Variants in CCDC73 observed in about 807,000 individuals in gnomAD.
CCDC73 encodes coiled-coil domain containing 73.
A neutral mutation model predicts 116.5 loss-of-function variants in CCDC73; 95 were observed. The observed-to-expected ratio is 0.82, with a 90% confidence interval of 0.69 to 0.97. CCDC73 has a LOEUF of 0.97. CCDC73 is among the 50% of genes least tolerant of loss of function. The pLI is 0.00. For missense variants in CCDC73, 1,066 were observed against 1,206.8 expected (o/e 0.88, Z 1.73); for synonymous variants, 398 against 401.3 (o/e 0.99, Z 0.10).
At chr11:32,784,800 A>C (rs1416067561) in intron 1 of CCDC73, among the ~76,000 whole-genome samples, 1 of 152,204 alleles carries the variant, frequency 6.6e-6, no homozygotes, top group Admixed American at 6.5e-5. Context: ...ATGGAGGAGT[A>C]AATTTTATTG....
At chr11:32,682,716 C>A (rs751675719) in intron 7 of CCDC73, 20 of 151,840 alleles carry the variant, frequency 1.3e-4, no homozygotes, top group African/African-American at 4.8e-4. Context: ...AAAAAAAAAT[C>A]CTTCTGAATA....
At position 32,732,450 on chromosome 11, in the gene CCDC73, C is replaced by T. The variant is rs1470181486; in HGVS notation, c.136-14303G>A. 2.6e-5 allele frequency among the ~76,000 whole-genome samples: 4 copies of T among 152,038 alleles called. No individual in the cohort carries two copies. The East Asian group carries it at 7.7e-4, about 29-fold the overall frequency. Reference sequence around the variant, plus strand: ...AAGATACTCCTCATGAAGAGCAACTCCAAGACACATAATTGTCAGATTCAC... The same window carrying T: ...AAGATACTCCTCATGAAGAGCAACTTCAAGACACATAATTGTCAGATTCAC... On this transcript the variant is annotated intron_variant, in intron 2 of 17. Coordinates refer to ENST00000335185, the MANE Select transcript of CCDC73 (RefSeq NM_001008391.4).
intron 16 of CCDC73, among the ~76,000 whole-genome samples, chr11:32,612,168 G>A (rs1375057685): frequency 6.6e-6 from 1 of 151,990 alleles, no homozygotes; most frequent in Non-Finnish European, 1.5e-5. Context: ...TGTTAAATCT[G>A]AGGGCCATAT....
chr11:32,680,007 A>C (rs1476709488), intron 7 of CCDC73: 2 of 152,220 alleles, frequency 1.3e-5, no homozygotes, highest in Non-Finnish European at 2.9e-5. Flanking sequence ...ACATTAGCCT[A>C]TTCAATGGCC....
intron 6 of CCDC73, among the ~76,000 whole-genome samples, chr11:32,692,237 C>A (rs1462106231): frequency 6.6e-6 from 1 of 151,844 alleles, no homozygotes; most frequent in Admixed American, 6.6e-5. Context: ...TGTTCCTGCA[C>A]CATTTGTTGA....
upstream of CCDC73, among the ~76,000 whole-genome samples, chr11:32,794,984 C>G (rs1314357012): frequency 1.3e-5 from 2 of 151,194 alleles, no homozygotes; most frequent in African/African-American, 2.4e-5. Flanking sequence ...CCTGCCTCAG[C>G]CTCCCGATAT....
At chr11:32,745,377 T>C (rs1339438015) in intron 2 of CCDC73, among the ~76,000 whole-genome samples, 1 of 152,198 alleles carries the variant, frequency 6.6e-6, no homozygotes, top group Non-Finnish European at 1.5e-5. Context: ...GAATGTATAT[T>C]CTGTTGATTT....
At chr11:32,811,248 C>T in the CCDC73 span, among the ~76,000 whole-genome samples, 8 of 152,302 alleles carry the variant, frequency 5.3e-5, 1 homozygote, top group South Asian at 4.1e-4. Context: ...TAACTAGTCA[C>T]TCTCCTGAAA....
chr11:32,637,785 C>A (rs1318874821), intron 13 of CCDC73, among the ~76,000 whole-genome samples: 3 of 152,170 alleles, frequency 2.0e-5, no homozygotes, highest in African/African-American at 7.2e-5. Flanking sequence ...ACTCTTTCCA[C>A]ATTATTTCAC....
chr11:32,604,236 A>G (rs1855315901), intron 17 of CCDC73: 1 of 152,064 alleles, frequency 6.6e-6, no homozygotes, highest in African/African-American at 2.4e-5. Flanking sequence ...TGATCCTCCC[A>G]CCTTCACCTC....
At position 32,614,092 on chromosome 11, in the gene CCDC73, G is replaced by GAAAACA. The variant is rs1404504833; in HGVS notation, c.2225_2226insTGTTTT (p.Ser742_Pro743insValPhe). ...TTTTACACATAGTTTTTCCCCCAGG[G>GAAAACA]CTTGAGTTAGGTTTCACCAACATAG... On this transcript the variant is annotated inframe_insertion, in exon 16 of 18. Coordinates refer to ENST00000335185, the MANE Select transcript of CCDC73 (RefSeq NM_001008391.4). 1 of 1,613,358 alleles carries GAAAACA rather than the reference G, an allele frequency of 6.2e-7. No individual in the cohort carries two copies. The highest frequency in any genetic ancestry group is 8.5e-7 in the Non-Finnish European group (1 of 1,179,868).
intron 1 of CCDC73, among the ~76,000 whole-genome samples, chr11:32,764,706 T>G (rs1850424468): frequency 6.6e-6 from 1 of 152,130 alleles, no homozygotes; most frequent in Non-Finnish European, 1.5e-5. Flanking sequence ...CTGCGTAAAC[T>G]AACAAGCAAA....
intron 9 of CCDC73, among the ~76,000 whole-genome samples, chr11:32,665,738 A>G (rs988853220): frequency 1.3e-5 from 2 of 152,166 alleles, no homozygotes; most frequent in Non-Finnish European, 2.9e-5. Context: ...TAGTTGATGC[A>G]GTTTCTTCCT....
chr11:32,790,518 A>G (rs1389459139), intron 1 of CCDC73, among the ~76,000 whole-genome samples: 2 of 152,196 alleles, frequency 1.3e-5, no homozygotes, highest in Middle Eastern at 3.2e-3. Context: ...AAGCCTTGAG[A>G]GCATAGTGAA....
At chr11:32,611,409 A>C (rs1475978783) in intron 16 of CCDC73, 144 bp from the exon 17 acceptor site, 12 of 696,582 alleles carry the variant, frequency 1.7e-5, no homozygotes, top group Non-Finnish European at 2.8e-5. Context: ...CAGTTGTCCT[A>C]GACTTTGCTC....
chr11:32,783,867 C>G (rs967121186), intron 1 of CCDC73, among the ~76,000 whole-genome samples: 1 of 152,134 alleles, frequency 6.6e-6, no homozygotes, highest in African/African-American at 2.4e-5. Context: ...CAAGAGGACA[C>G]CTGTACGAAG....
intron 2 of CCDC73, among the ~76,000 whole-genome samples, chr11:32,750,159 C>T (rs1850274804): frequency 6.6e-6 from 1 of 152,170 alleles, no homozygotes; most frequent in African/African-American, 2.4e-5. Context: ...CGTGAGCCAA[C>T]GCTCCTGGCC....
intron 10 of CCDC73, 63 bp from the exon 11 acceptor site, chr11:32,654,100 A>G: frequency 7.0e-7 from 1 of 1,427,272 alleles, no homozygotes; most frequent in South Asian, 1.3e-5. Flanking sequence ...CATTCAATTC[A>G]GTACTAAACA....
intron 2 of CCDC73, among the ~76,000 whole-genome samples, chr11:32,748,431 T>G (rs985265055): frequency 6.6e-5 from 10 of 152,224 alleles, no homozygotes; most frequent in African/African-American, 2.2e-4. Context: ...AGAAAACTTA[T>G]AAAAACTCAA....
Sources: gnomAD v4.1 joint callset for allele counts (sites outside exome capture counted in the v4.1 genomes callset) on GRCh38, gnomAD v4.1.1 for gene constraint, MANE v1.5 for transcripts, NCBI Gene and HGNC (gene_info 2026-07-23, HGNC 2026-07-21) for gene names.